EYS: variants seen among roughly 807,000 people sequenced by gnomAD.
The protein encoded by EYS is EGF-like photoreceptor maintenance factor.
In EYS, 250 loss-of-function variants were observed where a neutral mutation model predicts 282.1. The observed-to-expected ratio is 0.89, with a 90% CI of 0.80 to 0.98. The LOEUF (loss-of-function observed/expected upper bound fraction) is 0.98. Among genes scored for constraint, EYS ranks in the 50% least tolerant of loss-of-function variants. The pLI, the probability that EYS is intolerant of heterozygous loss-of-function variation, is 0.00. For synonymous variants in EYS, 1,355 were observed against 1,282.9 expected (o/e 1.06, Z -1.20); for missense variants, 4,016 against 3,709.0 (o/e 1.08, Z -2.15).
intron 24 of EYS, among the ~76,000 whole-genome samples, chr6:64,606,005 T>A (rs927223086): frequency 6.6e-6 from 1 of 152,036 alleles, no homozygotes; most frequent in African/African-American, 2.4e-5. Flanking sequence ...AATGTCCTCA[T>A]TCTCTGAATC....
At chr6:64,017,714 T>C (rs1336212600) in intron 33 of EYS, among the ~76,000 whole-genome samples, 2 of 152,222 alleles carry the variant, frequency 1.3e-5, no homozygotes, top group Non-Finnish European at 2.9e-5. Flanking sequence ...CTATCTGCTC[T>C]CCCTGTGTGA....
chr6:64,834,757 C>T (rs1418104515), intron 19 of EYS, among the ~76,000 whole-genome samples: 1 of 151,518 alleles, frequency 6.6e-6, no homozygotes, highest in African/African-American at 2.4e-5. Context: ...TTTTAAAGAC[C>T]AGGTGAAATA....
chr6:64,346,336 A>G (rs1032710048), intron 29 of EYS, among the ~76,000 whole-genome samples: 4 of 152,226 alleles, frequency 2.6e-5, no homozygotes, highest in Admixed American at 2.6e-4. Flanking sequence ...GATTAAGAAA[A>G]TGTGTCACAT....
chr6:65,615,910 GGC>G (rs1156614552), intron 2 of EYS, among the ~76,000 whole-genome samples: 2 of 150,330 alleles, frequency 1.3e-5, no homozygotes, highest in Non-Finnish European at 2.9e-5. Flanking sequence ...CTCCAGCCTG[GGC>G]GAGAGAGCGA....
chr6:64,130,469 G>C (rs1773936577), intron 31 of EYS, among the ~76,000 whole-genome samples: 1 of 152,106 alleles, frequency 6.6e-6, no homozygotes, highest in East Asian at 1.9e-4. Flanking sequence ...ATCACACACT[G>C]GGGCCTGTTG....
intron 24 of EYS, among the ~76,000 whole-genome samples, chr6:64,594,104 G>T (rs1055956711): frequency 3.9e-5 from 6 of 152,066 alleles, no homozygotes; most frequent in African/African-American, 7.2e-5. Context: ...CATCTAATTT[G>T]CAGAACACTT....
intron 33 of EYS, among the ~76,000 whole-genome samples, chr6:64,014,565 AAG>A (rs1768798303): frequency 1.3e-5 from 2 of 152,162 alleles, no homozygotes; most frequent in Admixed American, 1.3e-4. Context: ...TAAAAATATG[AAG>A]AGAGAGTAGA....
rs147831470 is a variant in EYS, at chr6:64,176,212, G to A, written c.6424+54380C>T. 2.2e-3 allele frequency among the ~76,000 whole-genome samples: 329 copies of A among 152,156 alleles called. 1 individual carries two copies. Among genetic ancestry groups the A allele is most frequent in the African/African-American group, 7.2e-3 (297 of 41,506 alleles). ...GACCAGGTAAGTCAGGGGCTTAGAG[G>A]ACTGTGCAAATATTTCATTTTTTAC... On this transcript the variant is annotated intron_variant, in intron 31 of 42. Coordinates refer to ENST00000503581, the MANE Select transcript of EYS (RefSeq NM_001142800.2).
intron 11 of EYS, among the ~76,000 whole-genome samples, chr6:65,319,724 G>A (rs564372426): frequency 6.6e-6 from 1 of 152,134 alleles, no homozygotes; most frequent in African/African-American, 2.4e-5. Flanking sequence ...GAGGAATGAC[G>A]CCGCTTTGCT....
chr6:65,005,535 G>A (rs1583387173), intron 13 of EYS, among the ~76,000 whole-genome samples: 1 of 147,468 alleles, frequency 6.8e-6, no homozygotes, highest in Admixed American at 6.7e-5. Context: ...GGTAATGTTG[G>A]ACCACTTTCG....
At chr6:65,096,467 C>T (rs1194038828) in intron 12 of EYS, among the ~76,000 whole-genome samples, 3 of 150,816 alleles carry the variant, frequency 2.0e-5, no homozygotes, top group Admixed American at 1.3e-4. Flanking sequence ...ATCCCACTGT[C>T]ACTTTTTACA....
In EYS at chr6:63,762,493, G is replaced by A; in HGVS notation, c.8039C>T (p.Pro2680Leu). 1.3e-6 allele frequency: 2 copies of A among 1,550,188 alleles called. No individual in the cohort carries two copies. Among genetic ancestry groups the A allele is most frequent in the Non-Finnish European group, 1.7e-6 (2 of 1,145,940 alleles). ...ACAGTAGATTCCAGTGGTTCCTAGAGGACAGAAACAGGTGTATCCATGAGG... is the reference window on the plus strand; with the variant it reads ...ACAGTAGATTCCAGTGGTTCCTAGAAGACAGAAACAGGTGTATCCATGAGG... ...SLPHGYTCFCPLGTTGIYCEQ... is the reference protein window; with the variant it reads ...SLPHGYTCFCLLGTTGIYCEQ... The change falls in exon 41 of 43, where the codon CCT becomes CTT. Residue 2680 changes from proline to leucine, a missense_variant. Transcript: ENST00000503581.
chr6:64,270,018 T>G (rs556400859), intron 30 of EYS, among the ~76,000 whole-genome samples: 1 of 152,278 alleles, frequency 6.6e-6, no homozygotes, highest in South Asian at 2.1e-4. Context: ...AAATTTTTTC[T>G]TAGACAATTA....
At chr6:63,842,864 A>T (rs963107901) in intron 36 of EYS, among the ~76,000 whole-genome samples, 2 of 152,064 alleles carry the variant, frequency 1.3e-5, no homozygotes, top group Non-Finnish European at 2.9e-5. Context: ...TAAATAGGGA[A>T]TTTTTTCCCC....
chr6:65,500,833 G>T (rs758954544), intron 2 of EYS, among the ~76,000 whole-genome samples: 7 of 151,848 alleles, frequency 4.6e-5, no homozygotes, highest in Non-Finnish European at 1.0e-4. Context: ...ATGTGCAAGG[G>T]TCAGTGATGT....
chr6:64,703,025 C>T (rs77536895), intron 22 of EYS, among the ~76,000 whole-genome samples: 4,320 of 151,996 alleles, frequency 0.028, 123 homozygotes, highest in East Asian at 0.14. Context: ...ATTTTTTTCA[C>T]ACTCTCAAGA....
At chr6:65,477,102 G>A (rs1223750121) in intron 5 of EYS, among the ~76,000 whole-genome samples, 1 of 151,978 alleles carries the variant, frequency 6.6e-6, no homozygotes, top group Non-Finnish European at 1.5e-5. Context: ...GAGTATCACA[G>A]ACAAGATACA....
chr6:64,125,700 G>A (rs1773758324), intron 31 of EYS, among the ~76,000 whole-genome samples: 1 of 150,850 alleles, frequency 6.6e-6, no homozygotes, highest in East Asian at 2.0e-4. Context: ...GCAGGAGAAT[G>A]GCGTGAACCC....
At chr6:64,684,977 A>C (rs1395253351) in intron 22 of EYS, among the ~76,000 whole-genome samples, 1 of 152,124 alleles carries the variant, frequency 6.6e-6, no homozygotes, top group Non-Finnish European at 1.5e-5. Flanking sequence ...TAATAAGTGC[A>C]TATAAAAGGT....
Sources: gnomAD v4.1 joint callset for allele counts (sites outside exome capture counted in the v4.1 genomes callset) on GRCh38, gnomAD v4.1.1 for gene constraint, MANE v1.5 for transcripts, NCBI Gene and HGNC (gene_info 2026-07-23, HGNC 2026-07-21) for gene names.